The following LOC128092252 variants were observed in gnomAD, a reference collection of about 807,000 sequenced individuals.
the LOC128092252 span, among the ~76,000 whole-genome samples, chr15:50,680,498 G>A: frequency 6.6e-6 from 1 of 151,914 alleles, no homozygotes; most frequent in Non-Finnish European, 1.5e-5. Flanking sequence ...GAACCCGGGA[G>A]GCGGAGTCTG....
chr15:50,679,526 ATATATATATATATTT>A, the LOC128092252 span, among the ~76,000 whole-genome samples: 1 of 46,196 alleles, frequency 2.2e-5, no homozygotes, highest in African/African-American at 1.1e-4. Flanking sequence ...ATATATATAT[ATATATATATATATTT>A]TTTTTTTTTT....
At chr15:50,679,524 A>G in the LOC128092252 span, among the ~76,000 whole-genome samples, 6 of 45,680 alleles carry the variant, frequency 1.3e-4, no homozygotes, top group African/African-American at 6.3e-4. Context: ...ATATATATAT[A>G]TATATATATA....
At chr15:50,663,174 A>G in the LOC128092252 span, 3 of 676,930 alleles carry the variant, frequency 4.4e-6, no homozygotes, top group Admixed American at 5.4e-5. Context: ...TGTTGCCCAG[A>G]CTGGAGAGCA....
At chr15:50,672,867 C>G in the LOC128092252 span, among the ~76,000 whole-genome samples, 1 of 128,452 alleles carries the variant, frequency 7.8e-6, no homozygotes, top group Admixed American at 9.7e-5. Context: ...CCACTGCACT[C>G]CAGCCAGGGT....
the LOC128092252 span, among the ~76,000 whole-genome samples, chr15:50,656,535 T>C: frequency 2.0e-5 from 3 of 149,972 alleles, no homozygotes; most frequent in Non-Finnish European, 4.4e-5. Context: ...AGGGTCTCAC[T>C]ATGCTACCCG....
At chr15:50,657,467 A>G in the LOC128092252 span, among the ~76,000 whole-genome samples, 1 of 152,120 alleles carries the variant, frequency 6.6e-6, no homozygotes, top group Admixed American at 6.6e-5. Flanking sequence ...TCAAATCTCC[A>G]TCTTACATTC....
chr15:50,681,264 TACACACACACAC>T, the LOC128092252 span, among the ~76,000 whole-genome samples: 7 of 146,906 alleles, frequency 4.8e-5, no homozygotes, highest in Admixed American at 2.0e-4. Flanking sequence ...AATAAATAAA[TACACACACACAC>T]ACACACACAC....
At chr15:50,649,248 G>T in the LOC128092252 span, among the ~76,000 whole-genome samples, 3 of 152,036 alleles carry the variant, frequency 2.0e-5, 1 homozygote, top group Non-Finnish European at 4.4e-5. Context: ...ACCATCCTAA[G>T]AAACACAGCA....
the LOC128092252 span, among the ~76,000 whole-genome samples, chr15:50,686,185 T>G: frequency 3.3e-5 from 5 of 152,208 alleles, no homozygotes; most frequent in Non-Finnish European, 7.3e-5. Flanking sequence ...GCGGAGCTTG[T>G]AGGCTGAGCC....
chr15:50,651,967 A>G, the LOC128092252 span, among the ~76,000 whole-genome samples: 1 of 152,054 alleles, frequency 6.6e-6, no homozygotes, highest in Non-Finnish European at 1.5e-5. Flanking sequence ...AAAATAACCT[A>G]AACTTCTACC....
At chr15:50,664,308 CA>C in the LOC128092252 span, among the ~76,000 whole-genome samples, 365 of 58,914 alleles carry the variant, frequency 6.2e-3, 2 homozygotes, top group East Asian at 0.032. Context: ...GACTCCGTCT[CA>C]AAAAAAAAAA....
the LOC128092252 span, among the ~76,000 whole-genome samples, chr15:50,684,222 C>G: frequency 7.9e-5 from 12 of 151,498 alleles, no homozygotes; most frequent in Non-Finnish European, 1.5e-4. Context: ...GCAGGATCTC[C>G]GCTTACTGCA....
the LOC128092252 span, chr15:50,686,587 G>A: frequency 6.2e-7 from 1 of 1,602,806 alleles, no homozygotes; most frequent in Non-Finnish European, 8.5e-7. Context: ...CTCCTCCTCC[G>A]CGGCCTGTAG....
the LOC128092252 span, among the ~76,000 whole-genome samples, chr15:50,655,758 G>A: frequency 6.6e-6 from 1 of 152,162 alleles, no homozygotes; most frequent in Non-Finnish European, 1.5e-5. Context: ...AGCACTTTGG[G>A]AGGCCAAGGC....
At chr15:50,663,840 G>A in the LOC128092252 span, among the ~76,000 whole-genome samples, 1 of 152,244 alleles carries the variant, frequency 6.6e-6, no homozygotes, top group South Asian at 2.1e-4. Context: ...ATGTGCTCCT[G>A]TAGTCCCAGC....
At chr15:50,658,936 C>T in the LOC128092252 span, among the ~76,000 whole-genome samples, 6 of 152,108 alleles carry the variant, frequency 3.9e-5, no homozygotes, top group South Asian at 2.1e-4. Context: ...CAGTGGCTCA[C>T]GCCTGTAATG....
the LOC128092252 span, among the ~76,000 whole-genome samples, chr15:50,684,280 GT>G: frequency 6.6e-6 from 1 of 151,854 alleles, no homozygotes; most frequent in African/African-American, 2.4e-5. Flanking sequence ...AGCCTCCTGA[GT>G]AGCTAGGATT....
the LOC128092252 span, among the ~76,000 whole-genome samples, chr15:50,667,678 G>C: frequency 2.6e-5 from 4 of 152,192 alleles, no homozygotes; most frequent in South Asian, 8.3e-4. Context: ...CTGCACTCCA[G>C]CCTGGGCAAC....
the LOC128092252 span, among the ~76,000 whole-genome samples, chr15:50,649,570 A>G: frequency 2.0e-5 from 3 of 152,332 alleles, no homozygotes; most frequent in African/African-American, 7.2e-5. Flanking sequence ...CTAGACACCA[A>G]TGATTATATA....
Sources: allele counts gnomAD v4.1 joint callset (sites outside exome capture counted in the v4.1 genomes callset), GRCh38; gene constraint gnomAD v4.1.1; transcripts MANE v1.5.